The following TOR1AIP2 variants were observed in gnomAD, a reference collection of about 807,000 sequenced individuals.
TOR1AIP2 encodes the protein torsin-1A-interacting protein 2.
TOR1AIP2 carries 20 observed loss-of-function variants against 32.6 expected under a neutral mutation model. The observed-to-expected ratio is 0.61, with a 90% confidence interval of 0.43 to 0.89. The LOEUF is 0.89. TOR1AIP2 is among the 40% of genes least tolerant of loss of function. The pLI is 0.00. For synonymous variants in TOR1AIP2, 214 were observed against 210.8 expected (o/e 1.02, Z -0.13); for missense variants, 456 against 553.8 (o/e 0.82, Z 1.77).
Position 179,843,581 on chromosome 1 carries a change from G to A in TOR1AIP2, c.*2490C>T. Reference sequence around the variant, plus strand: ...TCACATCTGTAATCCAAACACTTTGGGACGCTGAGGTGGGAGGATCACTTG... The same window carrying A: ...TCACATCTGTAATCCAAACACTTTGAGACGCTGAGGTGGGAGGATCACTTG... On this transcript the variant is annotated 3_prime_UTR_variant, in exon 7 of 7. Transcript: ENST00000609928. 6.6e-6 allele frequency: 1 copy of A among 151,074 alleles called. No individual in the cohort carries two copies. Among genetic ancestry groups the A allele is most frequent in the Non-Finnish European group, 1.5e-5 (1 of 68,056 alleles). The allele number at this position is 151,074 out of a possible 1,614,324, so 9.4% of individuals were successfully genotyped here.
chr1:179,860,438 C>G, intron 3 of TOR1AIP2: 1 of 977,372 alleles, frequency 1.0e-6, no homozygotes, highest in Non-Finnish European at 1.2e-6. Flanking sequence ...GCCATGATGG[C>G]GCCACTGCAC....
At chr1:179,852,041 G>A (rs796267493) in intron 4 of TOR1AIP2, among the ~76,000 whole-genome samples, 12 of 152,308 alleles carry the variant, frequency 7.9e-5, no homozygotes, top group African/African-American at 2.9e-4. Flanking sequence ...AGCACTTTGG[G>A]AGGCCAAGGC....
At position 179,846,470 on chromosome 1, in the gene TOR1AIP2, C is replaced by T. The variant is rs753864258; in HGVS notation, c.1014G>A (p.Gln338=). The T allele has an allele frequency of 2.7e-5, 43 of 1,614,210 alleles. No homozygotes were observed. The South Asian group carries it at 4.4e-4, about 16-fold the overall frequency. Residue 338 remains glutamine, a synonymous_variant, in exon 7 of 7, where the codon CAG becomes CAA. Coordinates refer to ENST00000609928, the MANE Select transcript of TOR1AIP2 (RefSeq NM_001199260.2). ...IQIDGAGRTW[Q]DSDTVKLLVD... Reference sequence around the variant, plus strand: ...CCAACAGCTTGACCGTGTCACTGTCCTGCCAGGTCCTTCCAGCCCCATCAA... The same window carrying T: ...CCAACAGCTTGACCGTGTCACTGTCTTGCCAGGTCCTTCCAGCCCCATCAA...
At chr1:179,859,474 G>A in intron 3 of TOR1AIP2, 2 of 985,372 alleles carry the variant, frequency 2.0e-6, no homozygotes, top group Non-Finnish European at 2.4e-6. Flanking sequence ...CCTGACTCTG[G>A]AAAACTTACA....
At chr1:179,864,769 C>A in intron 3 of TOR1AIP2, 1 of 1,566,172 alleles carries the variant, frequency 6.4e-7, no homozygotes, top group Non-Finnish European at 8.6e-7. Context: ...ACAATTTTGA[C>A]TATTATAGAA....
rs1695739853 is a variant in TOR1AIP2, at chr1:179,842,141, A to C, written c.*3930T>G. On this transcript the variant is annotated 3_prime_UTR_variant, in exon 7 of 7. Transcript: ENST00000609928. Reference sequence around the variant, plus strand: ...CTTGAACCTGGGAGGCAGTGGTTGCAGTGAGCCGAGATATCGCACCATTGC... The same window carrying C: ...CTTGAACCTGGGAGGCAGTGGTTGCCGTGAGCCGAGATATCGCACCATTGC... 6.6e-6 allele frequency: 1 copy of C among 152,168 alleles called. No individual in the cohort carries two copies. The highest frequency in any genetic ancestry group is 1.5e-5 in the Non-Finnish European group (1 of 68,094). 9.4% of individuals were successfully genotyped at this position (152,168 alleles called of 1,614,324 possible).
rs878952868 is a variant in TOR1AIP2 at position 179,845,722 on chromosome 1, G to GA, written c.*348dup. On this transcript the variant is annotated 3_prime_UTR_variant, in exon 7 of 7. Coordinates refer to ENST00000609928, the MANE Select transcript of TOR1AIP2 (RefSeq NM_001199260.2). ...AAAGGTTCTTCAGAGTCTCACTCAA[G>GA]AAAAAAAAAAAATCACTCTGTAGTT... The GA allele has an allele frequency of 0.014, 2,152 of 156,038 alleles. 1 individual carries two copies. The highest frequency in any genetic ancestry group is 0.022 in the Middle Eastern group (8 of 356). 9.7% of individuals were successfully genotyped at this position (156,038 alleles called of 1,614,324 possible).
intron 2 of TOR1AIP2, among the ~76,000 whole-genome samples, chr1:179,866,197 T>G (rs1449186858): frequency 6.6e-6 from 1 of 151,506 alleles, no homozygotes; most frequent in African/African-American, 2.4e-5. Context: ...ACATATGGTA[T>G]CCCCATAATG....
chr1:179,855,704 TC>T (rs1696272413), intron 3 of TOR1AIP2, among the ~76,000 whole-genome samples: 2 of 152,152 alleles, frequency 1.3e-5, no homozygotes, highest in South Asian at 4.1e-4. Context: ...ATAGAGAATC[TC>T]ATTAATACGC....
rs1417803797 is a variant in TOR1AIP2 at position 179,863,380 on chromosome 1, AT to A, written c.-147+2055del. ...AGATGTAAGAAGAAATTTGCTAGGG[AT>A]TTTTGGGAAAGACTTGATTCCCAAA... On this transcript the variant is annotated intron_variant, in intron 3 of 6. Coordinates refer to ENST00000609928, the MANE Select transcript of TOR1AIP2 (RefSeq NM_001199260.2). The A allele has an allele frequency of 3.0e-6, 3 of 985,208 alleles. No individual in the cohort carries two copies. The African/African-American group carries it at 5.2e-5, about 17-fold the overall frequency. 61.0% of individuals were successfully genotyped at this position (985,208 alleles called of 1,614,324 possible). A position where few individuals can be genotyped will look rare whatever the true frequency, so the allele number is the denominator to read the frequency against.
At chr1:179,853,894 T>G (rs528325258) in intron 3 of TOR1AIP2, among the ~76,000 whole-genome samples, 4 of 152,200 alleles carry the variant, frequency 2.6e-5, no homozygotes, top group Non-Finnish European at 4.4e-5. Context: ...CTTAGCGAAG[T>G]GTTCAGAGGG....
chr1:179,860,822 T>C, intron 3 of TOR1AIP2: 1 of 985,406 alleles, frequency 1.0e-6, no homozygotes. Flanking sequence ...AGACTCAGGG[T>C]TGCCAGGGAG....
At chr1:179,850,699 C>T in intron 5 of TOR1AIP2, 146 bp downstream of exon 5, 1 of 913,720 alleles carries the variant, frequency 1.1e-6, no homozygotes, top group Non-Finnish European at 1.6e-6. Context: ...TCAGTCATGG[C>T]TTGGTGTGAG....
chr1:179,860,597 T>C, intron 3 of TOR1AIP2: 1 of 985,472 alleles, frequency 1.0e-6, no homozygotes, highest in South Asian at 4.7e-5. Flanking sequence ...TGCCATATGT[T>C]TGGTATATGT....
intron 5 of TOR1AIP2, among the ~76,000 whole-genome samples, chr1:179,848,983 A>C (rs1340622492): frequency 6.6e-6 from 1 of 151,998 alleles, no homozygotes. Context: ...ACAAAAAAAA[A>C]AAATTAGTTG....
intron 3 of TOR1AIP2, chr1:179,860,144 G>C: frequency 1.0e-6 from 1 of 985,364 alleles, no homozygotes; most frequent in Non-Finnish European, 1.2e-6. Context: ...CAGCCAATAA[G>C]TTTATAATAA....
At chr1:179,860,781 A>G (rs1696495311) in intron 3 of TOR1AIP2, 3 of 985,284 alleles carry the variant, frequency 3.0e-6, no homozygotes, top group Admixed American at 1.2e-4. Flanking sequence ...ATAAAAAGCA[A>G]TTTTCAAGCT....
intron 3 of TOR1AIP2, among the ~76,000 whole-genome samples, chr1:179,858,846 G>A (rs1571676069): frequency 6.6e-6 from 1 of 152,190 alleles, no homozygotes; most frequent in African/African-American, 2.4e-5. Context: ...GAGGGGAAGG[G>A]ATGGTGACCT....
intron 5 of TOR1AIP2, among the ~76,000 whole-genome samples, chr1:179,848,905 C>T (rs1469769477): frequency 1.3e-5 from 2 of 151,834 alleles, no homozygotes; most frequent in Non-Finnish European, 2.9e-5. Flanking sequence ...CCGAGGCGGG[C>T]GGATCACAAG....
Sources: allele counts gnomAD v4.1 joint callset (sites outside exome capture counted in the v4.1 genomes callset), GRCh38; gene constraint gnomAD v4.1.1; transcripts MANE v1.5; gene names NCBI Gene and HGNC (gene_info 2026-07-23, HGNC 2026-07-21).